The following PCSK5 variants were observed in gnomAD, a reference collection of about 807,000 sequenced individuals.
PCSK5 encodes prohormone convertase 5.
A neutral mutation model predicts 233.2 loss-of-function variants in PCSK5; 129 were observed. That is an observed-to-expected ratio of 0.55 (90% CI 0.48 to 0.64). PCSK5 has a LOEUF of 0.64. PCSK5 is among the 30% of genes least tolerant of loss of function. PCSK5 has a pLI of 0.00. For synonymous variants in PCSK5, 825 were observed against 879.2 expected (o/e 0.94, Z 1.09); for missense variants, 2,076 against 2,430.1 (o/e 0.85, Z 3.06).
intron 1 of PCSK5, among the ~76,000 whole-genome samples, chr9:75,900,702 C>CTT (rs74398159): frequency 1.9e-4 from 26 of 134,158 alleles, no homozygotes; most frequent in African/African-American, 3.0e-4. Context: ...AAACAAACAA[C>CTT]TTTTTTTTTT....
chr9:76,253,652 T>C (rs1826886880), intron 24 of PCSK5, among the ~76,000 whole-genome samples: 1 of 152,238 alleles, frequency 6.6e-6, no homozygotes, highest in Non-Finnish European at 1.5e-5. Context: ...AATAGGACTG[T>C]ATAGCCTAAT....
intron 10 of PCSK5, among the ~76,000 whole-genome samples, chr9:76,150,000 T>G (rs1380481485): frequency 6.6e-6 from 1 of 152,248 alleles, no homozygotes; most frequent in Admixed American, 6.5e-5. Flanking sequence ...TAAATATGTT[T>G]CTGTATGTTC....
At chr9:75,975,476 C>T (rs1220173261) in intron 2 of PCSK5, among the ~76,000 whole-genome samples, 1 of 152,072 alleles carries the variant, frequency 6.6e-6, no homozygotes, top group African/African-American at 2.4e-5. Context: ...ATGAGAACGC[C>T]CTTTCCTTTG....
chr9:76,333,039 G>A (rs957726949), intron 34 of PCSK5, among the ~76,000 whole-genome samples: 1 of 152,198 alleles, frequency 6.6e-6, no homozygotes, highest in African/African-American at 2.4e-5. Context: ...AGCTGGGCAT[G>A]GTGCCATCAG....
intron 27 of PCSK5, among the ~76,000 whole-genome samples, chr9:76,299,204 G>A (rs1332849790): frequency 2.0e-5 from 3 of 152,164 alleles, no homozygotes; most frequent in African/African-American, 7.2e-5. Flanking sequence ...ATCAGACAAT[G>A]CCTGACAAAT....
chr9:75,941,078 G>A (rs1824280374), intron 2 of PCSK5, among the ~76,000 whole-genome samples: 1 of 152,196 alleles, frequency 6.6e-6, no homozygotes, highest in Non-Finnish European at 1.5e-5. Flanking sequence ...TGGAGTTCAA[G>A]TGCTTCCTGT....
intron 12 of PCSK5, among the ~76,000 whole-genome samples, chr9:76,169,269 G>C (rs193162218): frequency 6.6e-6 from 1 of 152,294 alleles, no homozygotes; most frequent in African/African-American, 2.4e-5. Context: ...AAATAGGTAG[G>C]AGGAGGATTG....
intron 24 of PCSK5, among the ~76,000 whole-genome samples, chr9:76,283,969 T>A (rs534771178): frequency 6.6e-6 from 1 of 152,362 alleles, no homozygotes; most frequent in African/African-American, 2.4e-5. Flanking sequence ...GAGCCATTTC[T>A]TCTGGTTACA....
chr9:75,951,867 A>T (rs778328887), intron 2 of PCSK5, among the ~76,000 whole-genome samples: 47 of 152,226 alleles, frequency 3.1e-4, no homozygotes, highest in Non-Finnish European at 5.4e-4. Context: ...TAAGCTACAT[A>T]CAAATACTCC....
Position 76,338,520 on chromosome 9 carries a change from C to A in PCSK5, c.4966+73C>A, listed in dbSNP as rs1564189697. 3 of 1,073,920 alleles carry A rather than the reference C, an allele frequency of 2.8e-6. No individual in the cohort carries two copies. In the South Asian group the frequency reaches 4.2e-5, roughly 15 times the overall value. 66.5% of individuals were successfully genotyped at this position (1,073,920 alleles called of 1,614,324 possible). On this transcript the variant is annotated intron_variant, in intron 35 of 37. Coordinates refer to ENST00000674117, the MANE Select transcript of PCSK5 (RefSeq NM_001372043.1). Reference sequence around the variant, plus strand: ...GGTTTTCTTCCTTATTTGCCCCTTTCTCTCTTCTCACCACCTGGGAGGTTC... The same window carrying A: ...GGTTTTCTTCCTTATTTGCCCCTTTATCTCTTCTCACCACCTGGGAGGTTC...
At chr9:76,131,709 T>G (rs10746991) in intron 9 of PCSK5, among the ~76,000 whole-genome samples, 74,258 of 151,854 alleles carry the variant, frequency 0.49, 18,419 homozygotes, top group Admixed American at 0.53. Flanking sequence ...TAGTGCTAAG[T>G]TTCACTAGGG....
At chr9:76,292,181 C>T in intron 24 of PCSK5, 52 bp from the exon 25 acceptor site, 1 of 1,070,966 alleles carries the variant, frequency 9.3e-7, no homozygotes. Flanking sequence ...CCCTATTTTT[C>T]CAAATGACGA....
At chr9:76,316,311 C>A (rs1829030255) in intron 30 of PCSK5, among the ~76,000 whole-genome samples, 1 of 152,090 alleles carries the variant, frequency 6.6e-6, no homozygotes, top group Non-Finnish European at 1.5e-5. Context: ...CAAAGACACC[C>A]CTAACTCTTA....
chr9:76,119,526 G>A (rs1206086938), intron 9 of PCSK5, among the ~76,000 whole-genome samples: 1 of 151,956 alleles, frequency 6.6e-6, no homozygotes, highest in African/African-American at 2.4e-5. Context: ...GTACCTTAGG[G>A]GAATTCATGG....
At chr9:76,089,405 A>G (rs1831195833) in intron 7 of PCSK5, among the ~76,000 whole-genome samples, 1 of 152,212 alleles carries the variant, frequency 6.6e-6, no homozygotes, top group African/African-American at 2.4e-5. Context: ...GATCAGATGC[A>G]GGGTCTCGAC....
chr9:76,271,117 C>A (rs1827498375), intron 24 of PCSK5, among the ~76,000 whole-genome samples: 2 of 152,124 alleles, frequency 1.3e-5, no homozygotes. Context: ...ACCCATCATT[C>A]CTCCCCCTTT....
At chr9:76,247,871 G>A (rs992078074) in intron 24 of PCSK5, among the ~76,000 whole-genome samples, 8 of 151,306 alleles carry the variant, frequency 5.3e-5, no homozygotes, top group Admixed American at 2.6e-4. Flanking sequence ...TGCAACCTCC[G>A]CCTCCCAGGT....
chr9:76,078,098 C>T (rs1020836484), intron 7 of PCSK5, among the ~76,000 whole-genome samples: 2 of 151,626 alleles, frequency 1.3e-5, no homozygotes, highest in South Asian at 2.1e-4. Context: ...TATTGAGAAG[C>T]GTCTGTTCAT....
intron 30 of PCSK5, among the ~76,000 whole-genome samples, chr9:76,318,245 TCA>T (rs1829087101): frequency 2.0e-5 from 3 of 151,926 alleles, no homozygotes; most frequent in South Asian, 2.1e-4. Flanking sequence ...ATGTTCTCAC[TCA>T]TAAGTGGGAG....
Sources: allele counts gnomAD v4.1 joint callset (sites outside exome capture counted in the v4.1 genomes callset), GRCh38; gene constraint gnomAD v4.1.1; transcripts MANE v1.5; gene names NCBI Gene and HGNC (gene_info 2026-07-23, HGNC 2026-07-21).